FAM184A: variants seen among roughly 807,000 people sequenced by gnomAD.
The protein encoded by FAM184A is protein FAM184A.
In FAM184A, 99 loss-of-function variants were observed where a neutral mutation model predicts 143.8. The ratio of observed to expected loss-of-function variants is 0.69; its 90% CI spans 0.58 to 0.81. The LOEUF is 0.81. FAM184A is among the 40% of genes least tolerant of loss of function. The pLI, the probability that FAM184A is intolerant of heterozygous loss-of-function variation, is 0.00. For missense variants in FAM184A, 1,217 were observed against 1,310.5 expected (o/e 0.93, Z 1.10); for synonymous variants, 427 against 446.4 (o/e 0.96, Z 0.55).
Position 118,962,386 on chromosome 6 carries a change from G to A in FAM184A, c.3139-423C>T, listed in dbSNP as rs556665795. 1.5e-3 allele frequency: 236 copies of A among 157,678 alleles called. 7 individuals are homozygous for A. The South Asian group carries it at 0.039, about 26-fold the overall frequency. 9.8% of individuals were successfully genotyped at this position (157,678 alleles called of 1,614,324 possible). A position where few individuals can be genotyped will look rare whatever the true frequency, so the allele number is the denominator to read the frequency against. ...AAGTTAAACATAATTTTAAAAGAGA[G>A]TCCATGAAATTTAGCCATCTGTCAA... On this transcript the variant is annotated intron_variant, in intron 16 of 17. Transcript: ENST00000338891.
At chr6:118,990,248 T>A (rs1290334341) in intron 9 of FAM184A, among the ~76,000 whole-genome samples, 1 of 152,244 alleles carries the variant, frequency 6.6e-6, no homozygotes, top group Admixed American at 6.5e-5. Flanking sequence ...AAAATATGTA[T>A]GTTATTTAAG....
Position 118,970,008 on chromosome 6 carries a change from A to ATTT in FAM184A, c.2916-3059_2916-3057dup, listed in dbSNP as rs11272298. 7.1e-3 allele frequency among the ~76,000 whole-genome samples: 134 copies of ATTT among 18,938 alleles called. 18 individuals are homozygous for ATTT. The highest frequency in any genetic ancestry group is 0.016 in the African/African-American group (103 of 6,446). The allele number at this position is 18,938 out of a possible 152,430, so 12.4% of individuals were successfully genotyped here. A position where few individuals can be genotyped will look rare whatever the true frequency, so the allele number is the denominator to read the frequency against. Reference sequence around the variant, plus strand: ...ATATATATATAATATATATATATATATTTTTTTTTTTTTGAGATGGAGTTT... The same window carrying ATTT: ...ATATATATATAATATATATATATATATTTTTTTTTTTTTTTTGAGATGGAGTTT... On this transcript the variant is annotated intron_variant, in intron 14 of 17. Transcript: ENST00000338891.
At chr6:119,103,431 A>G (rs1030941645) in intron 1 of FAM184A, among the ~76,000 whole-genome samples, 19 of 152,238 alleles carry the variant, frequency 1.2e-4, no homozygotes, top group Non-Finnish European at 1.5e-4. Context: ...AAGACACTTT[A>G]GCTGATGCAA....
intron 4 of FAM184A, 43 bp from the exon 5 acceptor site, chr6:119,016,987 C>A: frequency 7.3e-7 from 1 of 1,374,032 alleles, no homozygotes; most frequent in Non-Finnish European, 1.0e-6. Context: ...CTGCTTTTTT[C>A]ATTACTGTTA....
intron 1 of FAM184A, among the ~76,000 whole-genome samples, chr6:119,061,995 A>T (rs1787276154): frequency 6.6e-6 from 1 of 152,096 alleles, no homozygotes; most frequent in Admixed American, 6.6e-5. Context: ...CCTGGGATCC[A>T]GGCAGACAGA....
chr6:119,148,337 A>G lies in FAM184A; in HGVS notation c.-202+741T>C, dbSNP rs1772524170. ...TAACTGGGTTTTAGCTCCAGTTGCT[A>G]TTTTATTTCCCAGTCCCACCTACCC... On this transcript the variant is annotated intron_variant, in intron 1 of 16. Coordinates refer to the FAM184A transcript ENST00000352896. 2.0e-5 allele frequency among the ~76,000 whole-genome samples: 3 copies of G among 152,064 alleles called. No individual in the cohort carries two copies. In the South Asian group the frequency reaches 6.2e-4, roughly 32 times the overall value.
chr6:119,114,742 A>G (rs1448814951), intron 1 of FAM184A, among the ~76,000 whole-genome samples: 1 of 152,168 alleles, frequency 6.6e-6, no homozygotes, highest in Non-Finnish European at 1.5e-5. Context: ...GGGTTTCACC[A>G]TGTTGGCCAG....
chr6:119,013,236 T>C (rs1411888836), intron 5 of FAM184A, among the ~76,000 whole-genome samples: 1 of 152,150 alleles, frequency 6.6e-6, no homozygotes, highest in East Asian at 1.9e-4. Context: ...TTTAATTAGC[T>C]TAAGGCAGGT....
chr6:118,987,474 A>T (rs1405522683), intron 9 of FAM184A, among the ~76,000 whole-genome samples: 1 of 152,192 alleles, frequency 6.6e-6, no homozygotes, highest in Non-Finnish European at 1.5e-5. Context: ...AATGTTTTTA[A>T]ATGAGTGTTA....
intron 1 of FAM184A, among the ~76,000 whole-genome samples, chr6:119,123,227 A>G (rs1264716156): frequency 6.6e-6 from 1 of 152,068 alleles, no homozygotes; most frequent in Non-Finnish European, 1.5e-5. Context: ...CATCTCTACT[A>G]AAAATATAAA....
rs1309402330 is a variant in FAM184A at position 119,007,876 on chromosome 6, G to T, written c.1654-1268C>A. Among the ~76,000 whole-genome samples the T allele has an allele frequency of 2.6e-5, 4 of 152,060 alleles. 1 individual carries two copies. Among genetic ancestry groups the T allele is most frequent in the South Asian group, 4.1e-4 (2 of 4,822 alleles). ...GAATTGCTTGCACCTGGGAGGCAGA[G>T]GTTGCAGTGAGCGAGATTGTGCCAC... is the stretch of plus-strand genomic sequence containing the variant. On this transcript the variant is annotated intron_variant, in intron 6 of 17. Coordinates refer to ENST00000338891, the MANE Select transcript of FAM184A (RefSeq NM_024581.6).
At chr6:119,011,190 A>G (rs911449561) in intron 6 of FAM184A, 119 bp downstream of exon 6, 15 of 818,632 alleles carry the variant, frequency 1.8e-5, no homozygotes, top group African/African-American at 7.3e-5. Context: ...AAGTTTTTAA[A>G]TTATTTTTAT....
intron 1 of FAM184A, among the ~76,000 whole-genome samples, chr6:119,119,756 A>T (rs1789162084): frequency 6.6e-6 from 1 of 152,166 alleles, no homozygotes; most frequent in Admixed American, 6.5e-5. Flanking sequence ...GGATTACTTG[A>T]GTCCAGGAGT....
chr6:119,144,793 G>A (rs868734676), intron 1 of FAM184A, among the ~76,000 whole-genome samples: 1 of 152,134 alleles, frequency 6.6e-6, no homozygotes, highest in East Asian at 1.9e-4. Context: ...CTCCCGTGAC[G>A]TGCCCCCTGG....
At chr6:119,064,655 A>G (rs1200610331) in intron 1 of FAM184A, among the ~76,000 whole-genome samples, 1 of 152,156 alleles carries the variant, frequency 6.6e-6, no homozygotes, top group Non-Finnish European at 1.5e-5. Flanking sequence ...GCAGTAAGCT[A>G]TTACTATGTC....
rs866494414 is a variant in FAM184A, at chr6:119,065,232, C to A, written c.159+12909G>T. ...TATGGCTTCCATCTTGGTCTCTCTC[C>A]CTTCCCACCCCTCAGATCACTTACT... On this transcript the variant is annotated intron_variant, in intron 1 of 17. Transcript: ENST00000338891. Among the ~76,000 whole-genome samples, 5 of 152,258 alleles carry A rather than the reference C, an allele frequency of 3.3e-5. No individual in the cohort carries two copies. In the Middle Eastern group the frequency reaches 0.014, roughly 414 times the overall value.
chr6:119,137,210 T>G (rs1339818318), intron 1 of FAM184A, among the ~76,000 whole-genome samples: 1 of 152,212 alleles, frequency 6.6e-6, no homozygotes, highest in East Asian at 1.9e-4. Flanking sequence ...GGCTCTCTTC[T>G]TGGCTTGCAG....
chr6:119,068,745 A>G (rs1015135119), intron 1 of FAM184A, among the ~76,000 whole-genome samples: 3 of 152,122 alleles, frequency 2.0e-5, no homozygotes, highest in Non-Finnish European at 2.9e-5. Context: ...TCCAAGACTG[A>G]AATTTCCTTT....
chr6:119,046,162 T>C (rs919586657), intron 1 of FAM184A, among the ~76,000 whole-genome samples: 2 of 151,714 alleles, frequency 1.3e-5, no homozygotes, highest in African/African-American at 4.8e-5. Context: ...AAATTTAAAA[T>C]CACACCAAGT....
Sources: allele counts gnomAD v4.1 joint callset (sites outside exome capture counted in the v4.1 genomes callset), GRCh38; gene constraint gnomAD v4.1.1; transcripts MANE v1.5; gene names NCBI Gene and HGNC (gene_info 2026-07-23, HGNC 2026-07-21).